The following VWA5B1 variants were observed in gnomAD, a reference collection of about 807,000 sequenced individuals.
The protein encoded by VWA5B1 is von Willebrand factor A domain-containing protein 5B1.
In VWA5B1, 115 loss-of-function variants were observed where a neutral mutation model predicts 118.2. The ratio of observed to expected loss-of-function variants is 0.97; its 90% confidence interval spans 0.84 to 1.14. The LOEUF is 1.14. Among genes scored for constraint, VWA5B1 ranks in the 50% most tolerant of loss-of-function variants. The pLI is 0.00. For missense variants in VWA5B1, 1,596 were observed against 1,603.8 expected, an observed-to-expected ratio of 1.00 and a Z score of 0.08; for synonymous variants, 682 against 658.4, an observed-to-expected ratio of 1.04 and a Z score of -0.55.
intron 1 of VWA5B1, among the ~76,000 whole-genome samples, chr1:20,292,638 CGTGT>C (rs149823325): frequency 6.6e-6 from 1 of 151,504 alleles, no homozygotes; most frequent in African/African-American, 2.4e-5. Flanking sequence ...CAGTGGCATG[CGTGT>C]GTGTGTGTGT....
intron 1 of VWA5B1, among the ~76,000 whole-genome samples, chr1:20,309,247 C>A (rs1209653172): frequency 6.6e-6 from 1 of 152,208 alleles, no homozygotes; most frequent in Admixed American, 6.5e-5. Context: ...GTGTGTAGCG[C>A]CTATGCTCAA....
intron 16 of VWA5B1, among the ~76,000 whole-genome samples, chr1:20,345,177 TAC>T (rs1262526286): frequency 1.3e-5 from 2 of 152,220 alleles, no homozygotes; most frequent in Non-Finnish European, 2.9e-5. Flanking sequence ...AAAATAAAAC[TAC>T]AGTTATTTAA....
chr1:20,305,318 C>T (rs185180452), intron 1 of VWA5B1, among the ~76,000 whole-genome samples: 1 of 152,108 alleles, frequency 6.6e-6, no homozygotes, highest in African/African-American at 2.4e-5. Flanking sequence ...TGCTGACATG[C>T]GGGATCAAGG....
At chr1:20,291,359 T>TTCTCTCTTTCTC (rs2088298469) in intron 1 of VWA5B1, among the ~76,000 whole-genome samples, 1 of 103,342 alleles carries the variant, frequency 9.7e-6, no homozygotes, top group Non-Finnish European at 2.0e-5. Context: ...CTTTCTTTCT[T>TTCTCTCTTTCTC]TCTCTCTCTC....
At chr1:20,321,121 A>AAAAAG (rs1462210358) in intron 7 of VWA5B1, among the ~76,000 whole-genome samples, 2 of 151,890 alleles carry the variant, frequency 1.3e-5, no homozygotes, top group African/African-American at 4.8e-5. Context: ...GGCAAAAAAA[A>AAAAAG]AAAAAAAACA....
intron 12 of VWA5B1, 50 bp downstream of exon 12, chr1:20,333,001 C>T (rs1288413483): frequency 2.0e-6 from 3 of 1,534,928 alleles, no homozygotes; most frequent in Non-Finnish European, 2.6e-6. Flanking sequence ...GAACCCATGC[C>T]TACAAATCAG....
chr1:20,335,826 G>T (rs1308396240), intron 12 of VWA5B1, among the ~76,000 whole-genome samples: 1 of 152,182 alleles, frequency 6.6e-6, no homozygotes, highest in African/African-American at 2.4e-5. Context: ...AGAGGTGATA[G>T]AAGGGAATAA....
intron 1 of VWA5B1, 60 bp downstream of exon 1, chr1:20,291,148 G>T: frequency 6.7e-6 from 1 of 150,022 alleles, no homozygotes. Context: ...TGCTCTGGGT[G>T]GGCAAGGGCA....
At chr1:20,292,700 G>A (rs950936143) in intron 1 of VWA5B1, among the ~76,000 whole-genome samples, 9 of 152,206 alleles carry the variant, frequency 5.9e-5, no homozygotes, top group Non-Finnish European at 1.0e-4. Flanking sequence ...TTGACCCAAA[G>A]GTTGCTGGGC....
At position 20,306,347 on chromosome 1, in the gene VWA5B1, A is replaced by AGGGAC. The variant is rs2088654637; in HGVS notation, c.-26-4227_-26-4223dup. ...GGGGGCTCAGATCAATGGGGGCTTG[A>AGGGAC]GGGACGTGGGGGCCATCAGGGAGTT... On this transcript the variant is annotated intron_variant, in intron 1 of 21. Coordinates refer to ENST00000289815, the MANE Select transcript of VWA5B1 (RefSeq NM_001039500.3). Among the ~76,000 whole-genome samples the AGGGAC allele has an allele frequency of 4.0e-5, 6 of 151,728 alleles. No individual in the cohort carries two copies. In the South Asian group the frequency reaches 1.3e-3, roughly 32 times the overall value.
Position 20,318,704 on chromosome 1 carries a change from T to C in VWA5B1, c.824T>C (p.Ile275Thr). Residue 275 changes from isoleucine (I) to threonine (T), a missense_variant, in exon 6 of 22, where the codon ATC (isoleucine) becomes ACC (threonine). Transcript: ENST00000289815. ...CACACCTTTGACCGGCCTGTGGAGA[T>C]CCTCATCCACCCCAGCGGTACGGTG... ...NKHTFDRPVE[I>T]LIHPSEPHMP... 1 of 1,513,600 alleles carries C rather than the reference T, an allele frequency of 6.6e-7. No homozygotes were observed. The highest frequency in any genetic ancestry group is 8.9e-7 in the Non-Finnish European group (1 of 1,124,844). 93.8% of individuals were successfully genotyped at this position (1,513,600 alleles called of 1,614,324 possible).
In VWA5B1 at chr1:20,356,173, C is replaced by T. The variant is rs1447346697; in HGVS notation, c.*1910C>T. Reference sequence around the variant, plus strand: ...GCCTCAGCTTCAGGGTAAGGGTGGCCGGGGGTGGCATCTACTTCCTGGACC... The same window carrying T: ...GCCTCAGCTTCAGGGTAAGGGTGGCTGGGGGTGGCATCTACTTCCTGGACC... On this transcript the variant is annotated 3_prime_UTR_variant, in exon 22 of 22. Coordinates refer to ENST00000289815, the MANE Select transcript of VWA5B1 (RefSeq NM_001039500.3). Among the ~76,000 whole-genome samples, 3 of 152,110 alleles carry T rather than the reference C, an allele frequency of 2.0e-5. No homozygotes were observed. Among genetic ancestry groups the T allele is most frequent in the African/African-American group, 4.8e-5 (2 of 41,418 alleles).
intron 13 of VWA5B1, among the ~76,000 whole-genome samples, chr1:20,337,154 G>A (rs1364737875): frequency 2.6e-5 from 4 of 151,970 alleles, no homozygotes; most frequent in Non-Finnish European, 2.9e-5. Flanking sequence ...TTGAGGCAGA[G>A]TCTCACTCTG....
At chr1:20,317,480 C>G in intron 4 of VWA5B1, 50 bp from the exon 5 acceptor site, 2 of 1,541,072 alleles carry the variant, frequency 1.3e-6, no homozygotes, top group Non-Finnish European at 1.8e-6. Context: ...GCGCTGGACC[C>G]CTTCTTCCAC....
chr1:20,326,917 A>G, intron 8 of VWA5B1, among the ~76,000 whole-genome samples: 1 of 152,172 alleles, frequency 6.6e-6, no homozygotes, highest in East Asian at 1.9e-4. Flanking sequence ...TTTACTATGC[A>G]CCTAGCTGAG....
At chr1:20,353,655 A>C (rs946807725) in intron 21 of VWA5B1, 102 bp from the exon 22 acceptor site, 13 of 1,396,952 alleles carry the variant, frequency 9.3e-6, no homozygotes, top group Non-Finnish European at 1.2e-5. Context: ...TCCCCCAGGC[A>C]GGCAGGGTGG....
chr1:20,324,260 A>T (rs2089308799), intron 8 of VWA5B1, among the ~76,000 whole-genome samples: 1 of 152,206 alleles, frequency 6.6e-6, no homozygotes, highest in African/African-American at 2.4e-5. Context: ...CCTGCTAGCC[A>T]ATCAGAATAC....
rs1018774056 is a variant in VWA5B1 at position 20,356,475 on chromosome 1, C to A, written c.*2212C>A. On this transcript the variant is annotated 3_prime_UTR_variant, in exon 22 of 22. Transcript: ENST00000289815. ...CCAGGCTGAACTGGGCTGTCCAGCACCTCCCTGCCCCACCAGATGAGTCTG... is the reference window on the plus strand; with the variant it reads ...CCAGGCTGAACTGGGCTGTCCAGCAACTCCCTGCCCCACCAGATGAGTCTG... 8.5e-5 allele frequency among the ~76,000 whole-genome samples: 13 copies of A among 152,190 alleles called. No individual in the cohort carries two copies. Among genetic ancestry groups the A allele is most frequent in the African/African-American group, 2.9e-4 (12 of 41,440 alleles).
At chr1:20,298,888 C>A (rs2088455045) in intron 1 of VWA5B1, among the ~76,000 whole-genome samples, 1 of 152,088 alleles carries the variant, frequency 6.6e-6, no homozygotes, top group South Asian at 2.1e-4. Context: ...ATGTGGGATA[C>A]CGTTACCATG....
Sources: gnomAD v4.1 joint callset for allele counts (sites outside exome capture counted in the v4.1 genomes callset) on GRCh38, gnomAD v4.1.1 for gene constraint, MANE v1.5 for transcripts, NCBI Gene and HGNC (gene_info 2026-07-23, HGNC 2026-07-21) for gene names.